Variants in WASF2 observed in about 807,000 individuals in gnomAD.
WASF2 encodes the protein WASP family member 2.
In WASF2, 14 loss-of-function variants were observed where a neutral mutation model predicts 45.0. The ratio of observed to expected loss-of-function variants is 0.31; its 90% CI spans 0.21 to 0.49. The LOEUF is 0.49. Ranked by LOEUF, WASF2 falls within the 20% of genes least tolerant of loss-of-function variation. WASF2 has a pLI of 0.99. For synonymous variants in WASF2, 200 were observed against 236.3 expected, an observed-to-expected ratio of 0.85 and a Z score of 1.41; for missense variants, 439 against 636.1, an observed-to-expected ratio of 0.69 and a Z score of 3.33.
intron 1 of WASF2, among the ~76,000 whole-genome samples, chr1:27,446,781 CAA>C (rs397938564): frequency 2.7e-3 from 329 of 121,402 alleles, no homozygotes; most frequent in Middle Eastern, 8.1e-3. Context: ...AGCCTGTCTC[CAA>C]AAAAAAAAAA....
chr1:27,483,058 G>T (rs9438576), intron 1 of WASF2, among the ~76,000 whole-genome samples: 27,262 of 152,100 alleles, frequency 0.18, 3,503 homozygotes, highest in East Asian at 0.37. Context: ...AATTAAAGCA[G>T]TATTAGTATC....
intron 2 of WASF2, among the ~76,000 whole-genome samples, chr1:27,425,838 C>CAAAAAAAAAA (rs57916899): frequency 4.0e-5 from 2 of 50,604 alleles, no homozygotes; most frequent in Non-Finnish European, 6.4e-5. Context: ...GACTCCGTCT[C>CAAAAAAAAAA]AAAAAAAAAA....
intron 2 of WASF2, among the ~76,000 whole-genome samples, chr1:27,421,005 G>A (rs1040057040): frequency 6.6e-6 from 1 of 152,212 alleles, no homozygotes; most frequent in African/African-American, 2.4e-5. Flanking sequence ...CACCTTCAGG[G>A]TGAACTGCAG....
intron 2 of WASF2, among the ~76,000 whole-genome samples, chr1:27,422,274 C>G (rs1202225755): frequency 2.0e-5 from 3 of 152,048 alleles, no homozygotes; most frequent in African/African-American, 7.2e-5. Flanking sequence ...ACCTCAGGCC[C>G]GAGGCAGACT....
At chr1:27,429,189 T>A (rs531293803) in intron 1 of WASF2, among the ~76,000 whole-genome samples, 1 of 151,862 alleles carries the variant, frequency 6.6e-6, no homozygotes, top group Non-Finnish European at 1.5e-5. Context: ...CTGAGGTACA[T>A]AGGCAGCATA....
At position 27,408,312 on chromosome 1, in the gene WASF2, T is replaced by C. The variant is rs566190549; in HGVS notation, c.1374A>G (p.Glu458=). ...TGCCCACAACATCCCGCTTCTCTTGTTCCCGCTGCTCCTCAACCCTGCGCA... is the reference window on the plus strand; with the variant it reads ...TGCCCACAACATCCCGCTTCTCTTGCTCCCGCTGCTCCTCAACCCTGCGCA... ...FQLRRVEEQR[E]QEKRDVVGND... The change falls in exon 9 of 9, where the codon GAA becomes GAG. Residue 458 remains glutamate (E), a synonymous_variant. Transcript: ENST00000618852. 3 of 1,614,188 alleles carry C rather than the reference T, an allele frequency of 1.9e-6. No homozygotes were observed. The highest frequency in any genetic ancestry group is 1.3e-5 in the African/African-American group (1 of 75,042).
chr1:27,444,196 C>A lies in WASF2; in HGVS notation c.-43-15263G>T, dbSNP rs541425785. Among the ~76,000 whole-genome samples the A allele has an allele frequency of 3.2e-4, 48 of 152,210 alleles. 1 individual carries two copies. Among genetic ancestry groups the A allele is most frequent in the Admixed American group, 7.2e-4 (11 of 15,278 alleles). On this transcript the variant is annotated intron_variant, in intron 1 of 8. Transcript: ENST00000618852. ...CTGGGCTCAAGCAATCCTCCCACCT[C>A]AGCCTCCAGAGTAGCTGGGGCTAGA...
chr1:27,466,128 A>G (rs1386899019), intron 1 of WASF2, among the ~76,000 whole-genome samples: 1 of 152,194 alleles, frequency 6.6e-6, no homozygotes, highest in Non-Finnish European at 1.5e-5. Flanking sequence ...AAACTAGTAA[A>G]TGAAAGAATA....
chr1:27,489,453 TACACACAC>T (rs371077805), intron 1 of WASF2, among the ~76,000 whole-genome samples: 5 of 17,382 alleles, frequency 2.9e-4, no homozygotes, highest in Non-Finnish European at 4.1e-4. Context: ...TCATGGTACG[TACACACAC>T]ACACACACAC....
rs1245882051 is a variant in WASF2, at chr1:27,415,997, C to G, written c.525G>C (p.Lys175Asn). ...LQDTKDIMKEKRKHRKEKKDN... is the reference protein window; with the variant it reads ...LQDTKDIMKENRKHRKEKKDN... ...CCTTTCCCCTCACCCTATGCTTTCT[C>G]TTCTCTTTCATGATATCCTTGGTGT... Residue 175 changes from lysine (K) to asparagine (N), a missense_variant, in exon 5 of 9, where the codon AAG (lysine) becomes AAC (asparagine). By Grantham distance (94) the Lys-to-Asn change is moderately conservative. Around this residue, in one of 5 missense-constraint regions of WASF2, gnomAD observed 23 missense variants for 69.7 expected, o/e 0.33. Coordinates refer to ENST00000618852, the MANE Select transcript of WASF2 (RefSeq NM_006990.5). 1 of 1,613,842 alleles carries G rather than the reference C, an allele frequency of 6.2e-7. No homozygotes were observed. Among genetic ancestry groups the G allele is most frequent in the Non-Finnish European group, 8.5e-7 (1 of 1,179,866 alleles).
At chr1:27,435,831 G>T (rs1189802007) in intron 1 of WASF2, among the ~76,000 whole-genome samples, 2 of 152,208 alleles carry the variant, frequency 1.3e-5, no homozygotes, top group African/African-American at 4.8e-5. Flanking sequence ...AATAAACAAT[G>T]CTACATTTTG....
chr1:27,427,069 C>A (rs947845110), intron 2 of WASF2, among the ~76,000 whole-genome samples: 1 of 152,102 alleles, frequency 6.6e-6, no homozygotes, highest in Non-Finnish European at 1.5e-5. Flanking sequence ...CTTATTATTG[C>A]CTCTTATTCT....
intron 1 of WASF2, among the ~76,000 whole-genome samples, chr1:27,447,340 T>G (rs186200150): frequency 6.6e-6 from 1 of 152,172 alleles, no homozygotes; most frequent in Admixed American, 6.5e-5. Flanking sequence ...CTAAGACATA[T>G]CATGTGTTTT....
intron 1 of WASF2, among the ~76,000 whole-genome samples, chr1:27,430,019 T>A (rs2017040275): frequency 6.6e-6 from 1 of 152,162 alleles, no homozygotes; most frequent in African/African-American, 2.4e-5. Context: ...GCAGGAAATG[T>A]CTGGAGCAGA....
intron 2 of WASF2, among the ~76,000 whole-genome samples, chr1:27,419,467 T>C (rs532568014): frequency 6.6e-6 from 1 of 152,228 alleles, no homozygotes; most frequent in African/African-American, 2.4e-5. Context: ...ATACAAAAAT[T>C]AGACAGGCGT....
Position 27,468,728 on chromosome 1 carries a change from C to A in WASF2, c.-44+21258G>T, listed in dbSNP as rs1305561782. ...GGCACGGTGGTTCACGCCTGTAATC[C>A]CAGCACTTTGGGAGGCCAAGGAGGG... On this transcript the variant is annotated intron_variant, in intron 1 of 8. Coordinates refer to ENST00000618852, the MANE Select transcript of WASF2 (RefSeq NM_006990.5). Among the ~76,000 whole-genome samples, 3 of 144,884 alleles carry A rather than the reference C, an allele frequency of 2.1e-5. No individual in the cohort carries two copies. The Admixed American group carries it at 2.1e-4, about 10-fold the overall frequency.
chr1:27,421,984 T>C (rs1351276956), intron 2 of WASF2, among the ~76,000 whole-genome samples: 1 of 134,850 alleles, frequency 7.4e-6, no homozygotes, highest in East Asian at 2.1e-4. Context: ...TAAAATGAAA[T>C]AAAAGAAAAG....
intron 1 of WASF2, among the ~76,000 whole-genome samples, chr1:27,431,454 G>A (rs973749335): frequency 1.3e-5 from 2 of 152,188 alleles, no homozygotes; most frequent in African/African-American, 4.8e-5. Flanking sequence ...CCATCCTCTA[G>A]GTGTCCTTAG....
intron 1 of WASF2, among the ~76,000 whole-genome samples, chr1:27,476,404 G>A (rs1372984708): frequency 2.0e-5 from 3 of 152,180 alleles, no homozygotes; most frequent in Non-Finnish European, 2.9e-5. Flanking sequence ...AACTCAGAGC[G>A]AGAGCTCACT....
Sources: allele counts gnomAD v4.1 joint callset (sites outside exome capture counted in the v4.1 genomes callset), GRCh38; gene constraint gnomAD v4.1.1; regional missense constraint gnomAD v4.1.1; transcripts MANE v1.5; gene names NCBI Gene and HGNC (gene_info 2026-07-23, HGNC 2026-07-21).